Variants in KAT7 observed in about 807,000 individuals in gnomAD.
KAT7 encodes histone acetyltransferase KAT7.
A neutral mutation model predicts 82.1 loss-of-function variants in KAT7; 10 were observed. That is an observed-to-expected ratio of 0.12 (90% confidence interval 0.08 to 0.21). The LOEUF is 0.21. Among genes scored for constraint, KAT7 ranks in the 10% least tolerant of loss-of-function variants. The pLI, the probability that KAT7 is intolerant of heterozygous loss-of-function variation, is 1.00. For missense variants in KAT7, 378 were observed against 760.9 expected, an observed-to-expected ratio of 0.50 and a Z score of 5.92; for synonymous variants, 250 against 262.5, an observed-to-expected ratio of 0.95 and a Z score of 0.46.
intron 8 of KAT7, 87 bp from the exon 9 acceptor site, chr17:49,817,733 T>G: frequency 9.4e-7 from 1 of 1,063,560 alleles, no homozygotes; most frequent in Non-Finnish European, 1.4e-6. Flanking sequence ...TCCCAAAGTG[T>G]TGGGATTACA....
At chr17:49,824,749 GTTC>G (rs2074348465) in intron 12 of KAT7, 1 of 152,148 alleles carries the variant, frequency 6.6e-6, no homozygotes. Context: ...AGGTAACACT[GTTC>G]TTATAAACTT....
rs2144020071 is a variant in KAT7 at position 49,832,756 on chromosome 17, A to G, written c.*5254A>G. ...CCTCTTGTGTCTCACAGGTGCACAT[A>G]TGTACAGCATATCAAAGTGTTGAAT... On this transcript the variant is annotated 3_prime_UTR_variant, in exon 15 of 15. Coordinates refer to ENST00000259021, the MANE Select transcript of KAT7 (RefSeq NM_007067.5). 1 of 152,348 alleles carries G rather than the reference A, an allele frequency of 6.6e-6. No individual in the cohort carries two copies. The highest frequency in any genetic ancestry group is 1.9e-4 in the East Asian group (1 of 5,182). The allele number at this position is 152,348 out of a possible 1,614,324, so 9.4% of individuals were successfully genotyped here.
At chr17:49,818,889 C>T (rs932782800) in intron 9 of KAT7, among the ~76,000 whole-genome samples, 1 of 152,144 alleles carries the variant, frequency 6.6e-6, no homozygotes, top group African/African-American at 2.4e-5. Context: ...CAGTCGCACA[C>T]CACCACACCT....
intron 2 of KAT7, among the ~76,000 whole-genome samples, chr17:49,793,759 G>C (rs1249767554): frequency 2.0e-5 from 3 of 151,964 alleles, no homozygotes; most frequent in Non-Finnish European, 4.4e-5. Context: ...TTTTAGTAGA[G>C]ATGGGGTTTC....
chr17:49,812,122 T>A (rs1222912584), intron 7 of KAT7, among the ~76,000 whole-genome samples: 1 of 152,140 alleles, frequency 6.6e-6, no homozygotes, highest in Non-Finnish European at 1.5e-5. Context: ...TACCTAAAAA[T>A]AGCCACAGTT....
chr17:49,821,470 T>G, intron 10 of KAT7, 44 bp downstream of exon 10: 2 of 1,566,188 alleles, frequency 1.3e-6, no homozygotes, highest in Non-Finnish European at 1.8e-6. Flanking sequence ...TGTTGTATAT[T>G]CACAGGTTTC....
intron 7 of KAT7, among the ~76,000 whole-genome samples, chr17:49,814,759 C>T (rs1355221092): frequency 2.0e-5 from 3 of 151,428 alleles, no homozygotes; most frequent in Non-Finnish European, 4.4e-5. Flanking sequence ...ATAACTAATG[C>T]GTAGAACCCA....
intron 5 of KAT7, among the ~76,000 whole-genome samples, chr17:49,807,018 A>G (rs2143907116): frequency 1.3e-5 from 2 of 152,318 alleles, no homozygotes; most frequent in Middle Eastern, 3.4e-3. Flanking sequence ...CTGCATATAC[A>G]TGATTGCTCT....
intron 1 of KAT7, chr17:49,789,801 C>G (rs182838708): frequency 1.3e-5 from 2 of 151,946 alleles, no homozygotes; most frequent in African/African-American, 4.8e-5. Context: ...AGTAAGTTCT[C>G]AGCTTGGAGG....
intron 4 of KAT7, among the ~76,000 whole-genome samples, chr17:49,804,252 G>A (rs574523417): frequency 3.3e-5 from 5 of 152,068 alleles, no homozygotes; most frequent in Non-Finnish European, 5.9e-5. Context: ...GGCGGCAGGC[G>A]CCTGTAGTCC....
rs1048544507 is a variant in KAT7, at chr17:49,827,447, C to G, written c.1781C>G (p.Ser594Cys). The change falls in exon 15 of 15, where the codon TCC becomes TGC. Residue 594 changes from serine (S) to cysteine (C), a missense_variant. This residue lies in a region of KAT7 where 44 missense variants were observed against 102.2 expected (regional missense o/e 0.43). Coordinates refer to ENST00000259021, the MANE Select transcript of KAT7 (RefSeq NM_007067.5). ...WIAKEAKRSN[S>C]NKTMDPSCLK... The stretch of plus-strand genomic sequence containing the variant: ...GCCAAAGAGGCCAAAAGGTCCAACT[C>G]CAATAAAACCATGGATCCCAGCTGC... 1 of 1,613,702 alleles carries G rather than the reference C, an allele frequency of 6.2e-7. No homozygotes were observed. Among genetic ancestry groups the G allele is most frequent in the African/African-American group, 1.3e-5 (1 of 74,844 alleles).
At chr17:49,810,623 G>GT (rs2074150796) in intron 6 of KAT7, among the ~76,000 whole-genome samples, 1 of 152,124 alleles carries the variant, frequency 6.6e-6, no homozygotes, top group African/African-American at 2.4e-5. Context: ...TTGTACCACT[G>GT]TTGATCAGAT....
At chr17:49,799,626 T>TG (rs1478704554) in intron 4 of KAT7, among the ~76,000 whole-genome samples, 1 of 152,178 alleles carries the variant, frequency 6.6e-6, no homozygotes, top group Middle Eastern at 3.2e-3. Flanking sequence ...CTGCACGCCT[T>TG]GGCCTCCCAG....
At chr17:49,822,052 C>T (rs141532424) in intron 11 of KAT7, among the ~76,000 whole-genome samples, 251 of 152,250 alleles carry the variant, frequency 1.6e-3, no homozygotes, top group African/African-American at 5.7e-3. Context: ...CAGAGCCCTC[C>T]CTAGTAACTC....
rs1453028644 is a variant in KAT7 at position 49,809,180 on chromosome 17, A to G, written c.725A>G (p.Asp242Gly). ...EERMLSHRQDDNNRHATRHQA... is the reference protein window; with the variant it reads ...EERMLSHRQDGNNRHATRHQA... The stretch of plus-strand genomic sequence containing the variant: ...AGGATGCTGTCTCACAGGCAAGATG[A>G]CAACAACAGGCATGCAACCAGGCAC... The change falls in exon 6 of 15, where the codon GAC (aspartate) becomes GGC (glycine). Residue 242 changes from aspartate (D) to glycine (G), a missense_variant. Around this residue, in one of 6 missense-constraint regions of KAT7, gnomAD observed 102 missense variants for 129.8 expected, o/e 0.79. Coordinates refer to ENST00000259021, the MANE Select transcript of KAT7 (RefSeq NM_007067.5). 1 of 1,614,144 alleles carries G rather than the reference A, an allele frequency of 6.2e-7. No individual in the cohort carries two copies. The highest frequency in any genetic ancestry group is 2.2e-5 in the East Asian group (1 of 44,880).
Position 49,826,061 on chromosome 17 carries a change from G to T in KAT7, c.1542G>T (p.Leu514=), listed in dbSNP as rs766062390. 2 of 1,613,444 alleles carry T rather than the reference G, an allele frequency of 1.2e-6. No individual in the cohort carries two copies. Among genetic ancestry groups the T allele is most frequent in the Admixed American group, 1.7e-5 (1 of 59,978 alleles). The change falls in exon 13 of 15, where the codon CTG becomes CTT. Residue 514 remains leucine, a synonymous_variant. Transcript: ENST00000259021. ...CCCCAGAACGTCCACTCTCAGATCT[G>T]GGGCTTATAAGCTATCGCAGTTACT... ...VGSPERPLSD[L]GLISYRSYWK... is the part of the protein sequence containing the mutation.
chr17:49,824,239 C>T (rs1054160715), intron 12 of KAT7, among the ~76,000 whole-genome samples: 3 of 152,194 alleles, frequency 2.0e-5, no homozygotes, highest in African/African-American at 7.2e-5. Flanking sequence ...TAAAACATAA[C>T]TGCTGTGAAT....
intron 2 of KAT7, chr17:49,795,522 C>T (rs781376978): frequency 2.1e-5 from 5 of 239,472 alleles, no homozygotes; most frequent in African/African-American, 6.9e-5. Context: ...TAAGAGCTAT[C>T]GATGGGAAAA....
At position 49,830,179 on chromosome 17, in the gene KAT7, ATTTTTTTTTTTTTTTTTT is replaced by A; in HGVS notation, c.*2689_*2706del. 2 of 82,200 alleles carry A rather than the reference ATTTTTTTTTTTTTTTTTT, an allele frequency of 2.4e-5. 1 individual carries two copies. Among genetic ancestry groups the A allele is most frequent in the Non-Finnish European group, 4.6e-5 (2 of 43,908 alleles). 5.1% of individuals were successfully genotyped at this position (82,200 alleles called of 1,614,324 possible). A position where few individuals can be genotyped will look rare whatever the true frequency, so the allele number is the denominator to read the frequency against. Reference sequence around the variant, plus strand: ...AGGCGTGAGCCACTGCACCCGACCTATTTTTTTTTTTTTTTTTTTTTTTTTTTTTAAAAAAAGACAGTC... The same window carrying A: ...AGGCGTGAGCCACTGCACCCGACCTATTTTTTTTTTTAAAAAAAGACAGTC... On this transcript the variant is annotated 3_prime_UTR_variant, in exon 15 of 15. Coordinates refer to ENST00000259021, the MANE Select transcript of KAT7 (RefSeq NM_007067.5).
Sources: allele counts gnomAD v4.1 joint callset (sites outside exome capture counted in the v4.1 genomes callset), GRCh38; gene constraint gnomAD v4.1.1; regional missense constraint gnomAD v4.1.1; transcripts MANE v1.5; gene names NCBI Gene and HGNC (gene_info 2026-07-23, HGNC 2026-07-21).